Variants in BMAL2 observed in about 807,000 individuals in gnomAD.
BMAL2 encodes basic helix-loop-helix ARNT-like protein 2.
the BMAL2 span, among the ~76,000 whole-genome samples, chr12:27,382,680 C>T: frequency 6.6e-6 from 1 of 152,198 alleles, no homozygotes; most frequent in Non-Finnish European, 1.5e-5. Context: ...ATTGTCACAG[C>T]ATCCCCACAC....
the BMAL2 span, among the ~76,000 whole-genome samples, chr12:27,420,217 A>T: frequency 6.6e-6 from 1 of 152,236 alleles, no homozygotes; most frequent in East Asian, 1.9e-4. Context: ...TAACCCATTT[A>T]AAAATACATC....
the BMAL2 span, among the ~76,000 whole-genome samples, chr12:27,355,090 A>T: frequency 6.6e-6 from 1 of 152,128 alleles, no homozygotes; most frequent in Non-Finnish European, 1.5e-5. Flanking sequence ...TTTGAGCCTC[A>T]TTGCCATTTC....
chr12:27,342,608 AAC>A, the BMAL2 span, among the ~76,000 whole-genome samples: 1 of 152,252 alleles, frequency 6.6e-6, no homozygotes, highest in South Asian at 2.1e-4. Flanking sequence ...TGAAACAGTG[AAC>A]ACAGTTTCCA....
the BMAL2 span, among the ~76,000 whole-genome samples, chr12:27,418,977 TAAA>T: frequency 4.7e-5 from 7 of 147,648 alleles, no homozygotes; most frequent in Non-Finnish European, 1.0e-4. Flanking sequence ...AGACTCCATC[TAAA>T]AAAAAAAAAG....
At chr12:27,406,136 C>T in the BMAL2 span, among the ~76,000 whole-genome samples, 66 of 152,218 alleles carry the variant, frequency 4.3e-4, no homozygotes, top group African/African-American at 1.5e-3. Flanking sequence ...CTGAAAGTGA[C>T]GGGGAGGATG....
the BMAL2 span, among the ~76,000 whole-genome samples, chr12:27,342,205 T>C: frequency 6.6e-6 from 1 of 152,346 alleles, no homozygotes; most frequent in South Asian, 2.1e-4. Context: ...CCCAAAGTAC[T>C]GGGATTACAG....
chr12:27,406,286 A>G, the BMAL2 span, among the ~76,000 whole-genome samples: 1 of 152,332 alleles, frequency 6.6e-6, no homozygotes. Context: ...TAAGACACAT[A>G]ATTGTCAGAT....
At chr12:27,370,310 TC>T in the BMAL2 span, 1 of 1,029,596 alleles carries the variant, frequency 9.7e-7, no homozygotes, top group Non-Finnish European at 1.5e-6. Context: ...ATGATACACG[TC>T]CCACTGATTT....
the BMAL2 span, among the ~76,000 whole-genome samples, chr12:27,376,062 T>C: frequency 6.6e-6 from 1 of 152,260 alleles, no homozygotes; most frequent in East Asian, 1.9e-4. Context: ...CATGAGATCA[T>C]ATCTAATTAT....
chr12:27,363,919 A>G, the BMAL2 span, among the ~76,000 whole-genome samples: 347 of 152,266 alleles, frequency 2.3e-3, no homozygotes, highest in African/African-American at 7.7e-3. Flanking sequence ...TTCTTAGTCC[A>G]TTGATGCTGC....
At chr12:27,403,528 C>A in the BMAL2 span, 1 of 1,593,040 alleles carries the variant, frequency 6.3e-7, no homozygotes, top group Non-Finnish European at 8.6e-7. Flanking sequence ...AAATGAAATT[C>A]TGGATTTACA....
chr12:27,417,969 G>A, the BMAL2 span: 2 of 539,298 alleles, frequency 3.7e-6, no homozygotes, highest in East Asian at 3.3e-5. Flanking sequence ...CTCCAGCCTG[G>A]GCAACACAGC....
chr12:27,377,915 A>G, the BMAL2 span, among the ~76,000 whole-genome samples: 1 of 152,096 alleles, frequency 6.6e-6, no homozygotes, highest in African/African-American at 2.4e-5. Flanking sequence ...GGGGTGTGGT[A>G]GCTCCCACAG....
chr12:27,366,064 C>G, the BMAL2 span, among the ~76,000 whole-genome samples: 1 of 151,940 alleles, frequency 6.6e-6, no homozygotes, highest in Non-Finnish European at 1.5e-5. Context: ...TTTCCTCTTG[C>G]CCCATGAATT....
At chr12:27,349,491 G>C in the BMAL2 span, among the ~76,000 whole-genome samples, 1 of 152,118 alleles carries the variant, frequency 6.6e-6, no homozygotes, top group Admixed American at 6.5e-5. Flanking sequence ...TTATAGTTCT[G>C]ATTTAATCTT....
chr12:27,387,080 T>C, the BMAL2 span: 110 of 606,936 alleles, frequency 1.8e-4, no homozygotes, highest in South Asian at 3.0e-4. Context: ...TAAGAACATT[T>C]CTTAAAATTA....
chr12:27,334,072 A>T, the BMAL2 span, among the ~76,000 whole-genome samples: 1 of 152,226 alleles, frequency 6.6e-6, no homozygotes, highest in Admixed American at 6.5e-5. Flanking sequence ...CTCTGAAATA[A>T]GGCAATGAGA....
the BMAL2 span, among the ~76,000 whole-genome samples, chr12:27,404,607 T>G: frequency 6.6e-6 from 1 of 152,124 alleles, no homozygotes; most frequent in Non-Finnish European, 1.5e-5. Context: ...ACTATAAAAC[T>G]AAAGCTTTTC....
the BMAL2 span, among the ~76,000 whole-genome samples, chr12:27,412,120 C>T: frequency 2.0e-5 from 3 of 152,184 alleles, no homozygotes; most frequent in African/African-American, 7.2e-5. Context: ...CTTTTCCCCA[C>T]TGAGTGTTCT....
Sources: allele counts gnomAD v4.1 joint callset (sites outside exome capture counted in the v4.1 genomes callset), GRCh38; gene constraint gnomAD v4.1.1; transcripts MANE v1.5; gene names NCBI Gene and HGNC (gene_info 2026-07-23, HGNC 2026-07-21).